Variants in TSNAX observed in about 807,000 individuals in gnomAD.
TSNAX encodes the protein translin associated factor X.
A neutral mutation model predicts 33.0 loss-of-function variants in TSNAX; 12 were observed. That is an observed-to-expected ratio of 0.36 (90% CI 0.23 to 0.59). The LOEUF (loss-of-function observed/expected upper bound fraction) is 0.59, where lower values mean the gene tolerates loss of function less well. Among genes scored for constraint, TSNAX ranks in the 20% least tolerant of loss-of-function variants. The probability of loss-of-function intolerance (pLI) is 0.74; values close to 1 mark genes in which losing one functional copy is unlikely to be tolerated. For missense variants in TSNAX, 267 were observed against 341.3 expected, an observed-to-expected ratio of 0.78 and a Z score of 1.72; for synonymous variants, 110 against 117.2, an observed-to-expected ratio of 0.94 and a Z score of 0.40.
chr1:231,534,029 A>G (rs1454410377), intron 2 of TSNAX: 1 of 152,194 alleles, frequency 6.6e-6, no homozygotes, highest in Non-Finnish European at 1.5e-5. Flanking sequence ...ATTACATTGT[A>G]ATGTCTCTTT....
At chr1:231,546,410 A>G (rs1659915601) in intron 4 of TSNAX, among the ~76,000 whole-genome samples, 1 of 152,140 alleles carries the variant, frequency 6.6e-6, no homozygotes, top group African/African-American at 2.4e-5. Context: ...ATCAATATTA[A>G]TGTTTAGGGA....
At position 231,565,658 on chromosome 1, in the gene TSNAX, A is replaced by C. The variant is rs1661374837; in HGVS notation, c.*753A>C. 1 of 152,416 alleles carries C rather than the reference A, an allele frequency of 6.6e-6. No homozygotes were observed. The highest frequency in any genetic ancestry group is 2.4e-5 in the African/African-American group (1 of 41,454). 9.4% of individuals were successfully genotyped at this position (152,416 alleles called of 1,614,324 possible). ...AGACTCGCTTGAACCTGGGAGGCAG[A>C]GGTTGCAGTGAGCCGAGATTGCGCC... On this transcript the variant is annotated 3_prime_UTR_variant, in exon 6 of 6. Transcript: ENST00000366639.
At chr1:231,561,657 A>G (rs1661123765) in intron 5 of TSNAX, among the ~76,000 whole-genome samples, 1 of 152,228 alleles carries the variant, frequency 6.6e-6, no homozygotes, top group Non-Finnish European at 1.5e-5. Context: ...GCCAGAAGCC[A>G]CAACTAAAAA....
chr1:231,528,746 C>A lies in TSNAX; in HGVS notation c.-65C>A. 6.2e-7 allele frequency: 1 copy of A among 1,606,020 alleles called. No individual in the cohort carries two copies. Among genetic ancestry groups the A allele is most frequent in the South Asian group, 1.1e-5 (1 of 90,808 alleles). On this transcript the variant is annotated 5_prime_UTR_variant, in exon 1 of 6. Transcript: ENST00000366639. ...TTTTCCCAGGTTCCCTCGGCCTGTA[C>A]CTCGCGCACTCCTCTTGCTCCAGGT...
At position 231,528,718 on chromosome 1, in the gene TSNAX, C is replaced by T. The variant is rs1260803974; in HGVS notation, c.-93C>T. On this transcript the variant is annotated 5_prime_UTR_variant, in exon 1 of 6. Transcript: ENST00000366639. ...CGGCTGCAAAGCGTTTTTCTGCAGG[C>T]TGTTTTCCCAGGTTCCCTCGGCCTG... 87 of 1,494,364 alleles carry T rather than the reference C, an allele frequency of 5.8e-5. 2 individuals carry two copies. In the South Asian group the frequency reaches 9.5e-4, roughly 16 times the overall value. The allele number at this position is 1,494,364 out of a possible 1,614,324, so 92.6% of individuals were successfully genotyped here. A position where few individuals can be genotyped will look rare whatever the true frequency, so the allele number is the denominator to read the frequency against.
chr1:231,529,281 C>A lies in TSNAX; in HGVS notation c.43C>A (p.His15Asn), dbSNP rs1658490063. 1.2e-6 allele frequency: 2 copies of A among 1,614,004 alleles called. No homozygotes were observed. The highest frequency in any genetic ancestry group is 1.7e-6 in the Non-Finnish European group (2 of 1,180,026). The change falls in exon 2 of 6, where the codon CAT (histidine) becomes AAT (asparagine). Residue 15 changes from histidine (H) to asparagine (N), a missense_variant. By Grantham distance (68) the His-to-Asn change is moderately conservative. This residue lies in a region of TSNAX where 200 missense variants were observed against 214.1 expected (regional missense o/e 0.93). Coordinates refer to ENST00000366639, the MANE Select transcript of TSNAX (RefSeq NM_005999.3). ...EGSGGFRKRK[H>N]DNFPHNQRRE... ...ATCAGGAGGGTTCAGGAAAAGGAAG[C>A]ATGACAATTTCCCACATAACCAAAG...
intron 2 of TSNAX, chr1:231,534,310 TAGAG>T (rs1490200701): frequency 6.6e-6 from 1 of 152,168 alleles, no homozygotes; most frequent in African/African-American, 2.4e-5. Context: ...GCAGAGTCAT[TAGAG>T]AGTCTTAAAA....
intron 4 of TSNAX, among the ~76,000 whole-genome samples, chr1:231,554,452 T>G (rs769505232): frequency 3.9e-5 from 6 of 152,188 alleles, no homozygotes; most frequent in Non-Finnish European, 7.4e-5. Flanking sequence ...CGTCTGGGCA[T>G]TGTCCCCACC....
chr1:231,545,098 G>A (rs1345248733), intron 4 of TSNAX, among the ~76,000 whole-genome samples: 2 of 152,122 alleles, frequency 1.3e-5, no homozygotes, highest in Non-Finnish European at 2.9e-5. Context: ...AAGGAATAAA[G>A]CAGTCAAGTA....
At chr1:231,531,846 T>C (rs187122252) in intron 2 of TSNAX, among the ~76,000 whole-genome samples, 1 of 152,312 alleles carries the variant, frequency 6.6e-6, no homozygotes, top group East Asian at 1.9e-4. Context: ...CAGAGCTTGA[T>C]AAATTCAGGA....
chr1:231,533,117 C>T (rs564496504), intron 2 of TSNAX, among the ~76,000 whole-genome samples: 3 of 149,204 alleles, frequency 2.0e-5, no homozygotes, highest in South Asian at 2.1e-4. Flanking sequence ...CCCAGACTGG[C>T]GTGCAGTGGT....
chr1:231,528,875 C>T, intron 1 of TSNAX, 49 bp downstream of exon 1: 1 of 1,612,320 alleles, frequency 6.2e-7, no homozygotes, highest in South Asian at 1.1e-5. Context: ...GGGGGAGGTT[C>T]TCCAGTCTTT....
chr1:231,544,623 T>C (rs998662584), intron 4 of TSNAX, among the ~76,000 whole-genome samples: 1 of 152,244 alleles, frequency 6.6e-6, no homozygotes, highest in Admixed American at 6.5e-5. Flanking sequence ...TCAGATTTGC[T>C]GTATTTGGCC....
At chr1:231,547,396 T>C (rs557317939) in intron 4 of TSNAX, among the ~76,000 whole-genome samples, 8 of 142,718 alleles carry the variant, frequency 5.6e-5, no homozygotes, top group African/African-American at 1.8e-4. Flanking sequence ...TTTCTTTTTT[T>C]TTTTTTTTTT....
chr1:231,549,362 A>G (rs1048160710), intron 4 of TSNAX, among the ~76,000 whole-genome samples: 4 of 152,066 alleles, frequency 2.6e-5, no homozygotes, highest in African/African-American at 9.7e-5. Context: ...GGAGGTTGCA[A>G]TGAGCCGAGA....
chr1:231,561,059 G>A, intron 4 of TSNAX, 69 bp from the exon 5 acceptor site: 1 of 1,507,212 alleles, frequency 6.6e-7, no homozygotes, highest in Non-Finnish European at 9.0e-7. Context: ...TCAATATGAA[G>A]TTTTTTTATT....
chr1:231,538,557 C>T lies in TSNAX; in HGVS notation c.236+1230C>T, dbSNP rs139931054. Among the ~76,000 whole-genome samples the T allele has an allele frequency of 2.8e-3, 433 of 152,288 alleles. 2 individuals carry two copies. The highest frequency in any genetic ancestry group is 0.01 in the African/African-American group (424 of 41,554). ...ATCTACCCTACAACTCCCCAGCTTA[C>T]GTGTTTTAGTCCAGCTTCTGAAGAC... On this transcript the variant is annotated intron_variant, in intron 3 of 5. Coordinates refer to ENST00000366639, the MANE Select transcript of TSNAX (RefSeq NM_005999.3).
intron 3 of TSNAX, among the ~76,000 whole-genome samples, chr1:231,540,681 T>G (rs1353127588): frequency 6.6e-6 from 1 of 152,192 alleles, no homozygotes; most frequent in Non-Finnish European, 1.5e-5. Context: ...TATTTCCTTA[T>G]GATTTTCTGT....
At chr1:231,559,586 C>T (rs1660910765) in intron 4 of TSNAX, among the ~76,000 whole-genome samples, 1 of 152,148 alleles carries the variant, frequency 6.6e-6, no homozygotes. Context: ...CCTTGGCCTC[C>T]CAAAGTGCTG....
Sources: allele counts gnomAD v4.1 joint callset (sites outside exome capture counted in the v4.1 genomes callset), GRCh38; gene constraint gnomAD v4.1.1; regional missense constraint gnomAD v4.1.1; transcripts MANE v1.5; gene names NCBI Gene and HGNC (gene_info 2026-07-23, HGNC 2026-07-21).